Variants in GABRB3 observed in about 807,000 individuals in gnomAD.
The protein encoded by GABRB3 is gamma-aminobutyric acid receptor subunit beta-3.
In GABRB3, 14 loss-of-function variants were observed where a neutral mutation model predicts 52.1. The ratio of observed to expected loss-of-function variants is 0.27; its 90% CI spans 0.18 to 0.42. GABRB3 has a LOEUF of 0.42. Ranked by LOEUF, GABRB3 falls within the 10% of genes least tolerant of loss-of-function variation. The probability of loss-of-function intolerance (pLI) is 1.00; values close to 1 mark genes in which losing one functional copy is unlikely to be tolerated. For synonymous variants in GABRB3, 260 were observed against 232.3 expected, an observed-to-expected ratio of 1.12 and a Z score of -1.08; for missense variants, 307 against 609.1, an observed-to-expected ratio of 0.50 and a Z score of 5.22.
chr15:26,772,358 C>A (rs899183365), intron 3 of GABRB3, 44 bp downstream of exon 3: 3 of 1,536,184 alleles, frequency 2.0e-6, no homozygotes, highest in African/African-American at 1.4e-5. Flanking sequence ...TCCCAGACAG[C>A]GGGCCGGGGG....
intron 3 of GABRB3, among the ~76,000 whole-genome samples, chr15:26,729,881 C>G (rs1473067666): frequency 1.3e-5 from 2 of 152,188 alleles, no homozygotes; most frequent in African/African-American, 4.8e-5. Context: ...TGTAGTCTGT[C>G]TCTCTCTACA....
intron 3 of GABRB3, among the ~76,000 whole-genome samples, chr15:26,689,029 G>A (rs531445014): frequency 7.2e-5 from 11 of 152,238 alleles, no homozygotes; most frequent in African/African-American, 1.9e-4. Context: ...ATTTGTCCTC[G>A]CCACATTCCT....
At position 26,648,703 on chromosome 15, in the gene GABRB3, G is replaced by T. The variant is rs1887093490; in HGVS notation, c.241-27169C>A. 2.0e-5 allele frequency among the ~76,000 whole-genome samples: 3 copies of T among 152,234 alleles called. No individual in the cohort carries two copies. In the South Asian group the frequency reaches 6.2e-4, roughly 32 times the overall value. On this transcript the variant is annotated intron_variant, in intron 3 of 8. Transcript: ENST00000311550. Reference sequence around the variant, plus strand: ...TGGGGACCCAGGAGGTCACAGGAGAGAAACAGTGTCTGTAAAACCACAGAC... The same window carrying T: ...TGGGGACCCAGGAGGTCACAGGAGATAAACAGTGTCTGTAAAACCACAGAC...
At chr15:26,772,053 T>G in intron 3 of GABRB3, 1 of 252,396 alleles carries the variant, frequency 4.0e-6, no homozygotes, top group Non-Finnish European at 7.4e-6. Flanking sequence ...CCAGCGCCTG[T>G]TGCTAAGGAG....
intron 6 of GABRB3, among the ~76,000 whole-genome samples, chr15:26,579,226 C>T (rs564090179): frequency 1.2e-3 from 184 of 152,328 alleles, no homozygotes; most frequent in South Asian, 2.5e-3. Context: ...GCATGACTGA[C>T]GCAGGTCCCT....
chr15:26,726,692 G>A (rs964516401), intron 3 of GABRB3, among the ~76,000 whole-genome samples: 1 of 152,154 alleles, frequency 6.6e-6, no homozygotes, highest in African/African-American at 2.4e-5. Flanking sequence ...GATCATACAA[G>A]GAGGGACACG....
At chr15:26,629,254 C>T in intron 3 of GABRB3, 1 of 1,252,746 alleles carries the variant, frequency 8.0e-7, no homozygotes, top group South Asian at 1.6e-5. Context: ...AGCTTGGCCC[C>T]GAGAGGGAGG....
intron 3 of GABRB3, among the ~76,000 whole-genome samples, chr15:26,767,611 G>A (rs1290432389): frequency 5.3e-5 from 8 of 152,098 alleles, no homozygotes; most frequent in African/African-American, 1.9e-4. Context: ...ATGCTGTAAG[G>A]CTTTTTTTAA....
intron 3 of GABRB3, among the ~76,000 whole-genome samples, chr15:26,725,222 G>A (rs1889739805): frequency 6.6e-6 from 1 of 152,286 alleles, no homozygotes; most frequent in South Asian, 2.1e-4. Flanking sequence ...GCCTTGTGAG[G>A]AGTTTCAACT....
intron 3 of GABRB3, among the ~76,000 whole-genome samples, chr15:26,650,800 A>G (rs1029128880): frequency 6.6e-6 from 1 of 152,060 alleles, no homozygotes; most frequent in African/African-American, 2.4e-5. Context: ...TGTGCCTATA[A>G]AGACCCCAGA....
intron 3 of GABRB3, among the ~76,000 whole-genome samples, chr15:26,715,802 A>G (rs941146752): frequency 6.6e-6 from 1 of 152,184 alleles, no homozygotes; most frequent in Admixed American, 6.5e-5. Context: ...TTCTTTTATT[A>G]GTAAACTATT....
chr15:26,768,659 A>T (rs1490369813), intron 3 of GABRB3, among the ~76,000 whole-genome samples: 1 of 152,184 alleles, frequency 6.6e-6, no homozygotes, highest in Non-Finnish European at 1.5e-5. Context: ...TCTCACTTAT[A>T]GAAATATACA....
At chr15:26,549,002 C>CA (rs1162696273) in intron 8 of GABRB3, among the ~76,000 whole-genome samples, 2 of 152,146 alleles carry the variant, frequency 1.3e-5, no homozygotes, top group African/African-American at 4.8e-5. Context: ...CCTGGGCTTT[C>CA]ACTCCAGCAA....
chr15:26,718,722 C>A (rs1330965403), intron 3 of GABRB3, among the ~76,000 whole-genome samples: 2 of 152,144 alleles, frequency 1.3e-5, no homozygotes, highest in African/African-American at 4.8e-5. Flanking sequence ...ATTCAGAACA[C>A]CACCCACCAT....
At chr15:26,616,217 G>A (rs1400861812) in intron 4 of GABRB3, among the ~76,000 whole-genome samples, 4 of 152,170 alleles carry the variant, frequency 2.6e-5, no homozygotes, top group Non-Finnish European at 5.9e-5. Flanking sequence ...TGAGCCATGT[G>A]AGCACTCACA....
chr15:26,773,588 C>G, upstream of GABRB3: 1 of 1,437,900 alleles, frequency 7.0e-7, no homozygotes. Flanking sequence ...GCCCGCCGGA[C>G]TGCGGGCCGC....
intron 3 of GABRB3, among the ~76,000 whole-genome samples, chr15:26,740,850 G>A (rs1439910032): frequency 1.3e-5 from 2 of 152,108 alleles, no homozygotes; most frequent in African/African-American, 2.4e-5. Context: ...AGAGTCTGCT[G>A]GTGTGCACAA....
intron 3 of GABRB3, among the ~76,000 whole-genome samples, chr15:26,764,138 A>G: frequency 8.3e-6 from 1 of 120,772 alleles, no homozygotes; most frequent in South Asian, 2.9e-4. Context: ...CAACAGTGAG[A>G]GACTCGGTCT....
At chr15:26,714,835 G>C (rs751108552) in intron 3 of GABRB3, among the ~76,000 whole-genome samples, 1 of 152,164 alleles carries the variant, frequency 6.6e-6, no homozygotes, top group African/African-American at 2.4e-5. Context: ...ACTCAGGACT[G>C]TCTCAATGAA....
Sources: gnomAD v4.1 joint callset for allele counts (sites outside exome capture counted in the v4.1 genomes callset) on GRCh38, gnomAD v4.1.1 for gene constraint, MANE v1.5 for transcripts, NCBI Gene and HGNC (gene_info 2026-07-23, HGNC 2026-07-21) for gene names.